Variants in SNTB1 observed in about 807,000 individuals in gnomAD.
SNTB1 encodes syntrophin beta 1.
In SNTB1, 36 loss-of-function variants were observed where a neutral mutation model predicts 48.9. That is an observed-to-expected ratio of 0.74 (90% confidence interval 0.56 to 0.97). SNTB1 has a LOEUF of 0.97. Among genes scored for constraint, SNTB1 ranks in the 50% least tolerant of loss-of-function variants. The probability of loss-of-function intolerance (pLI) is 0.00; values close to 1 mark genes in which losing one functional copy is unlikely to be tolerated. For missense variants in SNTB1, 786 were observed against 703.4 expected (o/e 1.12, Z -1.33); for synonymous variants, 299 against 294.6 (o/e 1.01, Z -0.15).
chr8:120,750,742 TAAG>T (rs1256122569), intron 1 of SNTB1, among the ~76,000 whole-genome samples: 1 of 152,080 alleles, frequency 6.6e-6, no homozygotes, highest in East Asian at 1.9e-4. Flanking sequence ...TGCTGAGAGA[TAAG>T]AAAGAGAAGA....
chr8:120,811,709 G>A lies in SNTB1; in HGVS notation c.135C>T (p.Ala45=), dbSNP rs955346555. ...CGCCCTCCTCGCTGCTCAGAACCAG[G>A]GCGTCCTCGCTCAAGTTCACCAGAA... The part of the protein sequence containing the change: ...HKVLVNLSED[A]LVLSSEEGAA... The change falls in exon 1 of 7, where the codon GCC becomes GCT. Residue 45 remains alanine (A), a synonymous_variant. Transcript: ENST00000517992. 1 of 1,578,816 alleles carries A rather than the reference G, an allele frequency of 6.3e-7. No homozygotes were observed. The highest frequency in any genetic ancestry group is 1.1e-5 in the South Asian group (1 of 87,346).
chr8:120,716,565 G>A (rs1818561636), intron 1 of SNTB1, among the ~76,000 whole-genome samples: 1 of 152,120 alleles, frequency 6.6e-6, no homozygotes, highest in South Asian at 2.1e-4. Context: ...ATAGGTCTCT[G>A]TTTTTAGACA....
At chr8:120,735,281 T>C (rs1818924427) in intron 1 of SNTB1, among the ~76,000 whole-genome samples, 1 of 152,026 alleles carries the variant, frequency 6.6e-6, no homozygotes, top group Non-Finnish European at 1.5e-5. Context: ...CCTGGAGCCC[T>C]GAAGTGAGAC....
At chr8:120,645,788 AC>A (rs2129690543) in intron 2 of SNTB1, among the ~76,000 whole-genome samples, 1 of 99,572 alleles carries the variant, frequency 1.0e-5, no homozygotes, top group African/African-American at 3.8e-5. Context: ...GATTCTTCCT[AC>A]CCATGAGCAT....
At chr8:120,787,204 A>C (rs1819939347) in intron 1 of SNTB1, among the ~76,000 whole-genome samples, 1 of 152,192 alleles carries the variant, frequency 6.6e-6, no homozygotes. Context: ...TCAAGAGAAA[A>C]ATAATTTTTA....
chr8:120,554,170 G>A (rs1443635283), intron 4 of SNTB1, among the ~76,000 whole-genome samples: 1 of 152,110 alleles, frequency 6.6e-6, no homozygotes. Context: ...TTTTCTCTGG[G>A]ATCTCCAGTT....
At chr8:120,732,164 T>C (rs535663152) in intron 1 of SNTB1, among the ~76,000 whole-genome samples, 1 of 152,336 alleles carries the variant, frequency 6.6e-6, no homozygotes, top group South Asian at 2.1e-4. Flanking sequence ...AGTGCTGATA[T>C]GACTTGCGGG....
intron 1 of SNTB1, among the ~76,000 whole-genome samples, chr8:120,802,212 T>G (rs1587175532): frequency 6.6e-6 from 1 of 152,198 alleles, no homozygotes; most frequent in Admixed American, 6.5e-5. Flanking sequence ...AAAGAAGTTT[T>G]ATAAATTAAC....
intron 1 of SNTB1, among the ~76,000 whole-genome samples, chr8:120,798,552 T>G (rs750253516): frequency 2.6e-5 from 4 of 152,100 alleles, no homozygotes; most frequent in Non-Finnish European, 5.9e-5. Context: ...TTGAGAAACC[T>G]TGATGTACAC....
chr8:120,621,423 T>C (rs1816792565), intron 3 of SNTB1, among the ~76,000 whole-genome samples: 1 of 152,078 alleles, frequency 6.6e-6, no homozygotes, highest in Admixed American at 6.6e-5. Flanking sequence ...TCTGTTTGTA[T>C]ACAGAGCAGA....
At chr8:120,720,080 T>A (rs1345764453) in intron 1 of SNTB1, among the ~76,000 whole-genome samples, 1 of 152,202 alleles carries the variant, frequency 6.6e-6, no homozygotes, top group Non-Finnish European at 1.5e-5. Context: ...AGTAAATACA[T>A]GGGTTAGGGC....
At chr8:120,543,271 A>G (rs971356394) in intron 5 of SNTB1, among the ~76,000 whole-genome samples, 46 of 152,188 alleles carry the variant, frequency 3.0e-4, no homozygotes, top group Admixed American at 1.3e-4. Context: ...AAAACACCAC[A>G]TTTAACAGAC....
At chr8:120,756,003 C>G in intron 1 of SNTB1, among the ~76,000 whole-genome samples, 1 of 152,134 alleles carries the variant, frequency 6.6e-6, no homozygotes, top group East Asian at 1.9e-4. Context: ...GGTCTGTACT[C>G]TTAAGATCAA....
chr8:120,707,715 T>G (rs1296403934), intron 1 of SNTB1, among the ~76,000 whole-genome samples: 1 of 152,186 alleles, frequency 6.6e-6, no homozygotes, highest in Non-Finnish European at 1.5e-5. Flanking sequence ...CAATAGATAT[T>G]CCAAGCACCA....
chr8:120,607,324 A>C (rs1816540283), intron 3 of SNTB1, among the ~76,000 whole-genome samples: 1 of 152,194 alleles, frequency 6.6e-6, no homozygotes, highest in South Asian at 2.1e-4. Flanking sequence ...GCGTCCACCT[A>C]CATTAATCTA....
At chr8:120,624,842 A>C (rs1816850552) in intron 3 of SNTB1, among the ~76,000 whole-genome samples, 1 of 152,248 alleles carries the variant, frequency 6.6e-6, no homozygotes, top group African/African-American at 2.4e-5. Flanking sequence ...CAGGCATAGG[A>C]TAGACATTCC....
chr8:120,722,176 G>C (rs1337996652), intron 1 of SNTB1, among the ~76,000 whole-genome samples: 2 of 151,776 alleles, frequency 1.3e-5, no homozygotes. Context: ...ATAGTGAATA[G>C]TGAACTGTGA....
intron 1 of SNTB1, among the ~76,000 whole-genome samples, chr8:120,775,889 A>T (rs1015012649): frequency 7.0e-4 from 107 of 151,988 alleles, no homozygotes; most frequent in African/African-American, 2.1e-3. Context: ...TTCTTTTTTT[A>T]TTATTATTAT....
At chr8:120,683,741 T>G (rs1439989696) in intron 2 of SNTB1, among the ~76,000 whole-genome samples, 1 of 152,202 alleles carries the variant, frequency 6.6e-6, no homozygotes, top group African/African-American at 2.4e-5. Flanking sequence ...TAATCTCTGC[T>G]TGACAGCTTG....
Sources: gnomAD v4.1 joint callset for allele counts (sites outside exome capture counted in the v4.1 genomes callset) on GRCh38, gnomAD v4.1.1 for gene constraint, MANE v1.5 for transcripts, NCBI Gene and HGNC (gene_info 2026-07-23, HGNC 2026-07-21) for gene names.